The following RAPGEF6 variants were observed in gnomAD, a reference collection of about 807,000 sequenced individuals.
The protein encoded by RAPGEF6 is PDZ domain containing guanine nucleotide exchange factor (GEF) 2.
A neutral mutation model predicts 171.4 loss-of-function variants in RAPGEF6; 56 were observed. The observed-to-expected ratio is 0.33, with a 90% CI of 0.26 to 0.41. RAPGEF6 has a LOEUF of 0.41. RAPGEF6 is among the 10% of genes least tolerant of loss of function. The pLI, the probability that RAPGEF6 is intolerant of heterozygous loss-of-function variation, is 1.00. For synonymous variants in RAPGEF6, 692 were observed against 650.1 expected (o/e 1.06, Z -0.98); for missense variants, 1,674 against 1,921.4 (o/e 0.87, Z 2.41).
In RAPGEF6 at chr5:131,431,197, A is replaced by T; in HGVS notation, c.4127T>A (p.Phe1376Tyr). ...TSCSSSSHDN[F>Y]QSLPNPKSWD... ...GCTTTTTGGGTTTGGAAGGCTTTGG[A>T]AGTTGTCATGGGAGCTGCTTGAACA... is the stretch of plus-strand genomic sequence containing the variant. Residue 1376 changes from phenylalanine (F) to tyrosine (Y), a missense_variant, in exon 26 of 28, where the codon TTC (phenylalanine) becomes TAC (tyrosine). By Grantham distance (22) the Phe-to-Tyr change is conservative. Coordinates refer to ENST00000509018, the MANE Select transcript of RAPGEF6 (RefSeq NM_016340.6). 6.2e-7 allele frequency: 1 copy of T among 1,614,176 alleles called. No homozygotes were observed. Among genetic ancestry groups the T allele is most frequent in the African/African-American group, 1.3e-5 (1 of 75,036 alleles).
At chr5:131,444,336 T>C (rs1359064552) in intron 22 of RAPGEF6, among the ~76,000 whole-genome samples, 1 of 152,186 alleles carries the variant, frequency 6.6e-6, no homozygotes, top group Non-Finnish European at 1.5e-5. Context: ...TGAAATACTT[T>C]CATCCTTCTC....
At position 131,498,504 on chromosome 5, in the gene RAPGEF6, C is replaced by T. The variant is rs912004541; in HGVS notation, c.1358G>A (p.Ser453Asn). 1.9e-6 allele frequency: 3 copies of T among 1,613,706 alleles called. No individual in the cohort carries two copies. The highest frequency in any genetic ancestry group is 1.6e-4 in the Middle Eastern group (1 of 6,080). Reference protein sequence around the residue: ...FLLTYRTFLESPLDVGIKLLE... With the variant: ...FLLTYRTFLENPLDVGIKLLE... ...TAGTTTGATCCCAACATCCAAAGGACTTTCAAGAAATGTCCTGTAAGTTAA... is the reference window on the plus strand; with the variant it reads ...TAGTTTGATCCCAACATCCAAAGGATTTTCAAGAAATGTCCTGTAAGTTAA... The change falls in exon 12 of 28, where the codon AGT (serine) becomes AAT (asparagine). Residue 453 changes from serine (S) to asparagine (N), a missense_variant. Physicochemically the swap from Ser to Asn is conservative, Grantham distance 46. Around this residue, in one of 3 missense-constraint regions of RAPGEF6, gnomAD observed 1,116 missense variants for 1,321.5 expected, o/e 0.84. Coordinates refer to ENST00000509018, the MANE Select transcript of RAPGEF6 (RefSeq NM_016340.6).
chr5:131,442,321 G>T (rs778936189), intron 23 of RAPGEF6, 28 bp downstream of exon 23: 4 of 1,548,732 alleles, frequency 2.6e-6, no homozygotes, highest in African/African-American at 1.4e-5. Context: ...TCAGGTAAAC[G>T]GATGTAATAT....
chr5:131,455,486 C>A (rs1580849843), intron 20 of RAPGEF6, among the ~76,000 whole-genome samples: 1 of 152,284 alleles, frequency 6.6e-6, no homozygotes, highest in East Asian at 1.9e-4. Context: ...TCTTGATCTC[C>A]CAACCTCATG....
intron 1 of RAPGEF6, 107 bp from the exon 2 acceptor site, chr5:131,604,800 G>C (rs1475898467): frequency 5.4e-6 from 7 of 1,307,496 alleles, no homozygotes; most frequent in Admixed American, 6.1e-5. Flanking sequence ...TGGCAAAGCA[G>C]TTAACTATGG....
At chr5:131,554,162 T>C (rs765025610) in intron 5 of RAPGEF6, among the ~76,000 whole-genome samples, 2 of 152,084 alleles carry the variant, frequency 1.3e-5, no homozygotes, top group Non-Finnish European at 2.9e-5. Context: ...ATTAATTGTG[T>C]TAATAAAAAT....
intron 1 of RAPGEF6, among the ~76,000 whole-genome samples, chr5:131,634,488 A>G (rs942233040): frequency 6.6e-6 from 1 of 152,248 alleles, no homozygotes; most frequent in Admixed American, 6.5e-5. Context: ...AGAATTCACC[A>G]TTTGACTGGA....
chr5:131,516,452 T>C lies in RAPGEF6; in HGVS notation c.627+4938A>G, dbSNP rs142561809. The stretch of plus-strand genomic sequence containing the variant: ...ACGTGGCACCAGAGTTCTGAAGAGA[T>C]TGGCACTCCGAGCTGTGCATTAGGA... On this transcript the variant is annotated intron_variant, in intron 7 of 27. Transcript: ENST00000509018. Among the ~76,000 whole-genome samples, 545 of 152,250 alleles carry C rather than the reference T, an allele frequency of 3.6e-3. 2 individuals carry two copies. Among genetic ancestry groups the C allele is most frequent in the African/African-American group, 0.013 (530 of 41,542 alleles).
chr5:131,430,705 G>T (rs1751645330), intron 26 of RAPGEF6, 154 bp downstream of exon 26: 1 of 1,095,600 alleles, frequency 9.1e-7, no homozygotes, highest in South Asian at 1.3e-5. Flanking sequence ...GAGAAACCAT[G>T]AATTTTTGGG....
intron 12 of RAPGEF6, among the ~76,000 whole-genome samples, chr5:131,498,190 T>C (rs1193528718): frequency 6.6e-6 from 1 of 152,228 alleles, no homozygotes; most frequent in Non-Finnish European, 1.5e-5. Context: ...CATGTAACTA[T>C]TATGTTTCCT....
intron 1 of RAPGEF6, among the ~76,000 whole-genome samples, chr5:131,618,501 G>A (rs985952063): frequency 1.3e-5 from 2 of 152,056 alleles, no homozygotes; most frequent in African/African-American, 2.4e-5. Context: ...AGCCGGGTGT[G>A]ATGGCACATG....
chr5:131,510,345 T>C lies in RAPGEF6; in HGVS notation c.774A>G (p.Lys258=). 6.2e-7 allele frequency: 1 copy of C among 1,613,318 alleles called. No individual in the cohort carries two copies. The highest frequency in any genetic ancestry group is 1.3e-5 in the African/African-American group (1 of 75,014). ...GRDLVRECLE[K]EPADKTDDDI... ...CATCATCAGTTTTGTCTGCAGGTTC[T>C]TTTTCAAGACATTCTCGAACAAGAT... Residue 258 remains lysine, a synonymous_variant, in exon 8 of 28, where the codon AAA becomes AAG. Coordinates refer to ENST00000509018, the MANE Select transcript of RAPGEF6 (RefSeq NM_016340.6).
At chr5:131,588,425 C>T (rs1763388914) in intron 4 of RAPGEF6, among the ~76,000 whole-genome samples, 1 of 152,096 alleles carries the variant, frequency 6.6e-6, no homozygotes, top group Non-Finnish European at 1.5e-5. Flanking sequence ...ATTGCCATGC[C>T]CACTATTAAA....
chr5:131,438,012 C>T (rs1193452544), intron 24 of RAPGEF6, among the ~76,000 whole-genome samples: 5 of 151,870 alleles, frequency 3.3e-5, no homozygotes, highest in Non-Finnish European at 7.4e-5. Flanking sequence ...ATTCTTTCTT[C>T]GTTTCCATAG....
intron 1 of RAPGEF6, among the ~76,000 whole-genome samples, chr5:131,605,485 A>T (rs982072339): frequency 3.3e-5 from 5 of 152,232 alleles, no homozygotes; most frequent in African/African-American, 9.6e-5. Flanking sequence ...TAAAACTTAA[A>T]GTATAATAAA....
At chr5:131,546,831 AGATTTATCTGTAT>A (rs1438681044) in intron 6 of RAPGEF6, among the ~76,000 whole-genome samples, 1 of 152,212 alleles carries the variant, frequency 6.6e-6, no homozygotes, top group East Asian at 1.9e-4. Context: ...AAAACCTTAC[AGATTTATCTGTAT>A]GTTGAAAAGC....
intron 6 of RAPGEF6, among the ~76,000 whole-genome samples, chr5:131,544,384 T>C (rs1022317376): frequency 4.6e-5 from 7 of 152,010 alleles, no homozygotes; most frequent in Non-Finnish European, 8.8e-5. Context: ...AAAAATATAA[T>C]TGATGCACAC....
intron 3 of RAPGEF6, among the ~76,000 whole-genome samples, chr5:131,601,083 C>CAA (rs34701964): frequency 0.54 from 72,317 of 133,936 alleles, 19,777 homozygotes; most frequent in Non-Finnish European, 0.61. Flanking sequence ...AACTCCATTT[C>CAA]AAAAAAAAAA....
chr5:131,515,403 T>A (rs895564410), intron 7 of RAPGEF6, among the ~76,000 whole-genome samples: 2 of 152,150 alleles, frequency 1.3e-5, no homozygotes, highest in African/African-American at 2.4e-5. Flanking sequence ...ATAATAAAGT[T>A]TTAGTTAGCA....
Sources: gnomAD v4.1 joint callset for allele counts (sites outside exome capture counted in the v4.1 genomes callset) on GRCh38, gnomAD v4.1.1 for gene constraint, gnomAD v4.1.1 regional missense constraint, MANE v1.5 for transcripts, NCBI Gene and HGNC (gene_info 2026-07-23, HGNC 2026-07-21) for gene names.